Variants in NT5C3A observed in about 807,000 individuals in gnomAD.
The protein encoded by NT5C3A is 5'-nucleotidase, cytosolic IIIA, also known as cytosolic 5'-nucleotidase 3A.
Under a neutral mutation model 40.0 loss-of-function variants are expected in NT5C3A, and 23 were observed. The ratio of observed to expected loss-of-function variants is 0.58; its 90% confidence interval spans 0.41 to 0.81. The LOEUF (loss-of-function observed/expected upper bound fraction) is 0.81. Among genes scored for constraint, NT5C3A ranks in the 40% least tolerant of loss-of-function variants. The pLI is 0.00. For missense variants in NT5C3A, 328 were observed against 403.0 expected (o/e 0.81, Z 1.59); for synonymous variants, 130 against 141.4 (o/e 0.92, Z 0.57).
chr7:33,061,269 C>T (rs1390609226), intron 1 of NT5C3A, among the ~76,000 whole-genome samples: 3 of 152,180 alleles, frequency 2.0e-5, no homozygotes, highest in African/African-American at 7.2e-5. Context: ...CCATTTGCTG[C>T]TGTGGGCATA....
At chr7:33,053,204 C>T (rs1226981596) in intron 1 of NT5C3A, among the ~76,000 whole-genome samples, 2 of 151,798 alleles carry the variant, frequency 1.3e-5, no homozygotes, top group African/African-American at 2.4e-5. Context: ...TGTTTTTTTT[C>T]GAGACAGAGT....
intron 1 of NT5C3A, chr7:33,035,859 T>G: frequency 8.6e-7 from 1 of 1,168,914 alleles, no homozygotes; most frequent in East Asian, 2.3e-5. Context: ...CCCATAATTA[T>G]CTGGTTAGAG....
intron 8 of NT5C3A, among the ~76,000 whole-genome samples, 199 bp from the exon 9 acceptor site, chr7:33,015,030 C>T (rs1785247542): frequency 6.6e-6 from 1 of 152,166 alleles, no homozygotes; most frequent in East Asian, 1.9e-4. Flanking sequence ...CTTTTCTCCC[C>T]AAAATGCTCT....
intron 2 of NT5C3A, among the ~76,000 whole-genome samples, chr7:33,026,601 C>T (rs531953069): frequency 6.6e-6 from 1 of 152,026 alleles, no homozygotes; most frequent in Admixed American, 6.6e-5. Context: ...GCCTTGTCCA[C>T]CCGCCTCGGC....
At chr7:33,027,882 T>C (rs17470792) in intron 1 of NT5C3A, among the ~76,000 whole-genome samples, 3,646 of 152,294 alleles carry the variant, frequency 0.024, 63 homozygotes, top group Non-Finnish European at 0.036. Context: ...CCTCATTATA[T>C]ACTTTTGCAT....
chr7:33,060,831 T>C (rs529383434), intron 1 of NT5C3A, among the ~76,000 whole-genome samples: 1 of 152,306 alleles, frequency 6.6e-6, no homozygotes, highest in East Asian at 1.9e-4. Context: ...CTTCTTCCAC[T>C]TGAAGAAGCA....
intron 1 of NT5C3A, among the ~76,000 whole-genome samples, chr7:33,041,954 A>G (rs989806075): frequency 1.3e-5 from 2 of 152,186 alleles, no homozygotes; most frequent in Admixed American, 1.3e-4. Flanking sequence ...CTAGTCTAGT[A>G]ATATTTCAGT....
At chr7:33,038,925 C>T (rs1273590916) in intron 1 of NT5C3A, 1 of 455,768 alleles carries the variant, frequency 2.2e-6, no homozygotes, top group Non-Finnish European at 4.4e-6. Context: ...CCTTGATCTA[C>T]GAACTCTCTT....
intron 1 of NT5C3A, among the ~76,000 whole-genome samples, chr7:33,042,695 T>A (rs2128011126): frequency 6.6e-6 from 1 of 152,306 alleles, no homozygotes; most frequent in African/African-American, 2.4e-5. Flanking sequence ...CTTTTTGGAG[T>A]GCAATTTAGA....
At chr7:33,027,780 T>C (rs571723849) in intron 1 of NT5C3A, among the ~76,000 whole-genome samples, 19 of 152,300 alleles carry the variant, frequency 1.2e-4, no homozygotes, top group Non-Finnish European at 2.6e-4. Context: ...TTTTATATAA[T>C]ACAGTAACTA....
intron 1 of NT5C3A, among the ~76,000 whole-genome samples, chr7:33,061,381 A>T (rs1246375188): frequency 6.6e-6 from 1 of 152,212 alleles, no homozygotes; most frequent in Non-Finnish European, 1.5e-5. Flanking sequence ...ATATGAGACA[A>T]GTGGGAATTA....
In NT5C3A at chr7:33,056,473, C is replaced by CAAAAAAAAAA. The variant is rs70989927; in HGVS notation, c.138+6085_138+6094dup. Among the ~76,000 whole-genome samples, 21 of 43,720 alleles carry CAAAAAAAAAA rather than the reference C, an allele frequency of 4.8e-4. 1 individual carries two copies. Among genetic ancestry groups the CAAAAAAAAAA allele is most frequent in the Non-Finnish European group, 6.5e-4 (16 of 24,628 alleles). The allele number at this position is 43,720 out of a possible 152,430, so 28.7% of individuals were successfully genotyped here. A position where few individuals can be genotyped will look rare whatever the true frequency, so the allele number is the denominator to read the frequency against. ...GCAAATAGTGAGACCCCGTCTCTAC[C>CAAAAAAAAAA]AAAAAAAAAAAAAAAAAAAAAAAAA... On this transcript the variant is annotated intron_variant, in intron 1 of 8. Coordinates refer to ENST00000610140, the MANE Select transcript of NT5C3A (RefSeq NM_001002010.5).
At chr7:33,036,770 T>C (rs1048453047) in intron 1 of NT5C3A, among the ~76,000 whole-genome samples, 21 of 152,100 alleles carry the variant, frequency 1.4e-4, no homozygotes, top group African/African-American at 4.8e-4. Flanking sequence ...CATTTTTTCC[T>C]TCAATTTTCT....
At chr7:33,033,877 CAT>C (rs1554291562) in intron 1 of NT5C3A, among the ~76,000 whole-genome samples, 4 of 125,964 alleles carry the variant, frequency 3.2e-5, no homozygotes, top group South Asian at 2.5e-4. Context: ...ATATAAAAGA[CAT>C]ATATATATAT....
chr7:33,042,823 G>T (rs1351259711), intron 1 of NT5C3A, among the ~76,000 whole-genome samples: 1 of 152,142 alleles, frequency 6.6e-6, no homozygotes, highest in Non-Finnish European at 1.5e-5. Context: ...GACGTATACT[G>T]CAAATTTGTT....
intron 1 of NT5C3A, among the ~76,000 whole-genome samples, chr7:33,055,848 T>C (rs1787548283): frequency 6.6e-6 from 1 of 152,196 alleles, no homozygotes; most frequent in South Asian, 2.1e-4. Flanking sequence ...AGGTGGCTCA[T>C]GCCTGCAATC....
chr7:33,036,458 C>CT (rs199569689), intron 1 of NT5C3A: 1,820 of 158,928 alleles, frequency 0.011, no homozygotes, highest in South Asian at 0.034. Context: ...CATAAAGCAT[C>CT]TTTTTTTTTT....
chr7:33,050,188 G>C lies in NT5C3A; in HGVS notation c.138+12380C>G, dbSNP rs145619899. Among the ~76,000 whole-genome samples the C allele has an allele frequency of 8.6e-3, 1,307 of 152,178 alleles. 24 individuals are homozygous for C. Among genetic ancestry groups the C allele is most frequent in the African/African-American group, 0.03 (1,253 of 41,500 alleles). On this transcript the variant is annotated intron_variant, in intron 1 of 8. Transcript: ENST00000610140. ...GTTTTAAGGACTAAATAAATGCGTA[G>C]AGTATACTTGGTCAACGTAGGCACC...
chr7:33,019,792 A>G, intron 5 of NT5C3A, 68 bp from the exon 6 acceptor site: 1 of 903,006 alleles, frequency 1.1e-6, no homozygotes. Flanking sequence ...TCTTTATTAC[A>G]AAACATTCTT....
Sources: allele counts gnomAD v4.1 joint callset (sites outside exome capture counted in the v4.1 genomes callset), GRCh38; gene constraint gnomAD v4.1.1; transcripts MANE v1.5; gene names NCBI Gene and HGNC (gene_info 2026-07-23, HGNC 2026-07-21).